The following BRD10 variants were observed in gnomAD, a reference collection of about 807,000 sequenced individuals.
BRD10 encodes bromodomain containing 10.
chr9:5,926,481 T>C, the BRD10 span, among the ~76,000 whole-genome samples: 12 of 152,066 alleles, frequency 7.9e-5, no homozygotes, highest in Non-Finnish European at 1.5e-4. Flanking sequence ...CTAATGTTTG[T>C]ATTTTTTGTA....
chr9:5,968,102 A>C, the BRD10 span: 1 of 1,569,102 alleles, frequency 6.4e-7, no homozygotes, highest in Non-Finnish European at 8.7e-7. Flanking sequence ...CTTGAATGCA[A>C]GAGAATGAAG....
At chr9:5,979,941 G>C in the BRD10 span, among the ~76,000 whole-genome samples, 1 of 151,092 alleles carries the variant, frequency 6.6e-6, no homozygotes, top group Admixed American at 6.6e-5. Context: ...CTTGAACCTG[G>C]GAGGTGGAGG....
chr9:5,952,165 C>T, the BRD10 span, among the ~76,000 whole-genome samples: 2 of 151,986 alleles, frequency 1.3e-5, no homozygotes, highest in African/African-American at 4.8e-5. Flanking sequence ...GGATTACAGG[C>T]ACATGCCACC....
chr9:5,980,044 A>G, the BRD10 span, among the ~76,000 whole-genome samples: 2 of 151,970 alleles, frequency 1.3e-5, no homozygotes, highest in South Asian at 4.2e-4. Flanking sequence ...AAAAAAAAGA[A>G]GTATCTTAAA....
the BRD10 span, among the ~76,000 whole-genome samples, chr9:5,971,165 A>G: frequency 6.6e-6 from 1 of 152,034 alleles, no homozygotes; most frequent in Admixed American, 6.6e-5. Context: ...AAAGATGCTC[A>G]GCCTCATTAT....
At chr9:5,991,447 G>A in the BRD10 span, among the ~76,000 whole-genome samples, 11 of 152,058 alleles carry the variant, frequency 7.2e-5, no homozygotes, top group South Asian at 8.3e-4. Context: ...CCAGGGCCGC[G>A]TGCAGTCACT....
the BRD10 span, among the ~76,000 whole-genome samples, chr9:5,986,011 T>C: frequency 6.6e-6 from 1 of 152,162 alleles, no homozygotes; most frequent in Non-Finnish European, 1.5e-5. Flanking sequence ...GTGCAGGACA[T>C]GCAGGTTTGT....
chr9:5,993,312 TA>T, the BRD10 span, among the ~76,000 whole-genome samples: 550 of 116,582 alleles, frequency 4.7e-3, 3 homozygotes, highest in Non-Finnish European at 6.6e-3. Flanking sequence ...GAGACTCCAT[TA>T]AAAAAAAAAA....
chr9:6,006,786 C>T, the BRD10 span, among the ~76,000 whole-genome samples: 6 of 152,102 alleles, frequency 3.9e-5, no homozygotes, highest in African/African-American at 1.4e-4. Context: ...TTACATAAGC[C>T]AAAATTATTT....
the BRD10 span, among the ~76,000 whole-genome samples, chr9:5,880,673 T>C: frequency 6.6e-6 from 1 of 151,958 alleles, no homozygotes; most frequent in East Asian, 1.9e-4. Context: ...CCTGATCCCT[T>C]TCCCTCCCCT....
chr9:5,960,368 C>T, the BRD10 span, among the ~76,000 whole-genome samples: 1 of 152,192 alleles, frequency 6.6e-6, no homozygotes, highest in African/African-American at 2.4e-5. Context: ...TCGAGACCAG[C>T]CTGGCCAACA....
At chr9:5,914,548 C>T in the BRD10 span, among the ~76,000 whole-genome samples, 2 of 150,284 alleles carry the variant, frequency 1.3e-5, no homozygotes, top group Non-Finnish European at 3.0e-5. Flanking sequence ...CTCAGCCTCC[C>T]GAGTAGCTGG....
the BRD10 span, among the ~76,000 whole-genome samples, chr9:5,882,578 T>C: frequency 5.9e-5 from 9 of 152,304 alleles, no homozygotes; most frequent in African/African-American, 1.9e-4. Context: ...CAAGGACAAC[T>C]GCCTAATTAC....
chr9:5,991,905 G>C, the BRD10 span, among the ~76,000 whole-genome samples: 3 of 152,118 alleles, frequency 2.0e-5, no homozygotes, highest in African/African-American at 7.2e-5. Context: ...TTGTATTCCA[G>C]CTACAAAACT....
At chr9:5,906,521 G>C in the BRD10 span, among the ~76,000 whole-genome samples, 1 of 152,118 alleles carries the variant, frequency 6.6e-6, no homozygotes, top group African/African-American at 2.4e-5. Context: ...ATTTTTGCTT[G>C]ACAAAGTCTT....
the BRD10 span, among the ~76,000 whole-genome samples, chr9:6,005,651 G>GA: frequency 6.6e-6 from 1 of 152,160 alleles, no homozygotes; most frequent in Admixed American, 6.6e-5. Context: ...TAGATTAGAT[G>GA]AACTCTAAGG....
At chr9:5,988,558 TAAGTC>T in the BRD10 span, 1 of 1,603,280 alleles carries the variant, frequency 6.2e-7, no homozygotes, top group Non-Finnish European at 8.5e-7. Context: ...TGGAGAAGAA[TAAGTC>T]AATTCACAAG....
chr9:5,944,139 T>C, the BRD10 span, among the ~76,000 whole-genome samples: 1 of 152,138 alleles, frequency 6.6e-6, no homozygotes, highest in African/African-American at 2.4e-5. Flanking sequence ...AAAAAAACGA[T>C]TTTCTTCAGG....
chr9:5,896,501 G>A, the BRD10 span, among the ~76,000 whole-genome samples: 1 of 152,330 alleles, frequency 6.6e-6, no homozygotes, highest in East Asian at 1.9e-4. Context: ...AAGTTGTCCA[G>A]TAGATGGTAC....
Sources: gnomAD v4.1 joint callset for allele counts (sites outside exome capture counted in the v4.1 genomes callset) on GRCh38, gnomAD v4.1.1 for gene constraint, MANE v1.5 for transcripts, NCBI Gene and HGNC (gene_info 2026-07-23, HGNC 2026-07-21) for gene names.